Variants in ARPP21 observed in about 807,000 individuals in gnomAD.
The protein encoded by ARPP21 is cAMP regulated phosphoprotein 21, also known as cAMP-regulated phosphoprotein 21.
A neutral mutation model predicts 113.2 loss-of-function variants in ARPP21; 69 were observed. The ratio of observed to expected loss-of-function variants is 0.61; its 90% confidence interval spans 0.50 to 0.74. The LOEUF is 0.74. ARPP21 is among the 30% of genes least tolerant of loss of function. The pLI, the probability that ARPP21 is intolerant of heterozygous loss-of-function variation, is 0.00. For missense variants in ARPP21, 1,070 were observed against 1,037.4 expected, an observed-to-expected ratio of 1.03 and a Z score of -0.43; for synonymous variants, 368 against 375.5, an observed-to-expected ratio of 0.98 and a Z score of 0.23.
rs200486245 is a variant in ARPP21, at chr3:35,729,504, C to T, written c.1427C>T (p.Pro476Leu). The T allele has an allele frequency of 5.6e-5, 91 of 1,614,182 alleles. 2 individuals are homozygous for T. The highest frequency in any genetic ancestry group is 4.4e-4 in the South Asian group (40 of 91,078). ...CCACTTGAAGCTGCAACAGGCATCC[C>T]GCCTGGAAGCATCCTTCTTAATCCA... is the stretch of plus-strand genomic sequence containing the variant. ...LLPLEAATGIPPGSILLNPHT... is the reference protein window; with the variant it reads ...LLPLEAATGILPGSILLNPHT... Residue 476 changes from proline (P) to leucine (L), a missense_variant, in exon 15 of 21, where the codon CCG (proline) becomes CTG (leucine). Coordinates refer to ENST00000684406, the MANE Select transcript of ARPP21 (RefSeq NM_001385562.1).
rs1168810777 is a variant in ARPP21, at chr3:35,721,655, C to T, written c.1046C>T (p.Ser349Leu). 6.2e-7 allele frequency: 1 copy of T among 1,613,874 alleles called. No homozygotes were observed. ...GRTSGSRQSS[S>L]ENELKWSDHQ... The stretch of plus-strand genomic sequence containing the variant: ...ACATCTGGGAGTCGACAGAGCAGCT[C>T]AGAAAATGAACTCAAGTGGTCTGAC... Residue 349 changes from serine (S) to leucine (L), a missense_variant, in exon 14 of 21, where the codon TCA becomes TTA. Transcript: ENST00000684406.
chr3:35,695,468 TA>T (rs1301299994), intron 9 of ARPP21, among the ~76,000 whole-genome samples: 3 of 151,542 alleles, frequency 2.0e-5, no homozygotes, highest in African/African-American at 7.3e-5. Flanking sequence ...AGTGGGGGAA[TA>T]ACTTCAGAAT....
At chr3:35,771,979 A>T (rs910394692) in intron 19 of ARPP21, among the ~76,000 whole-genome samples, 5 of 152,222 alleles carry the variant, frequency 3.3e-5, no homozygotes, top group African/African-American at 1.2e-4. Context: ...AAGAAAATCT[A>T]ATTCACATCA....
chr3:35,757,583 G>A (rs893608801), intron 19 of ARPP21, among the ~76,000 whole-genome samples: 3 of 152,054 alleles, frequency 2.0e-5, no homozygotes, highest in Non-Finnish European at 2.9e-5. Flanking sequence ...CCAAGTGGTG[G>A]TTTTTGTTAT....
intron 19 of ARPP21, among the ~76,000 whole-genome samples, chr3:35,788,089 TA>T (rs2096668490): frequency 1.3e-5 from 2 of 152,134 alleles, no homozygotes; most frequent in South Asian, 4.1e-4. Context: ...TCAAAGAAGA[TA>T]AAGTACAGAA....
At chr3:35,756,726 G>GTTT (rs1351466325) in intron 19 of ARPP21, among the ~76,000 whole-genome samples, 1 of 152,106 alleles carries the variant, frequency 6.6e-6, no homozygotes, top group East Asian at 1.9e-4. Flanking sequence ...TGTTGTTGTT[G>GTTT]TAATAGGTCC....
intron 11 of ARPP21, among the ~76,000 whole-genome samples, chr3:35,712,742 A>G (rs2091552979): frequency 6.6e-6 from 1 of 152,192 alleles, no homozygotes; most frequent in South Asian, 2.1e-4. Flanking sequence ...GTAAGTCAAA[A>G]CAACAATTTA....
At chr3:35,772,286 T>C (rs1215423417) in intron 19 of ARPP21, among the ~76,000 whole-genome samples, 2 of 152,198 alleles carry the variant, frequency 1.3e-5, no homozygotes, top group Non-Finnish European at 2.9e-5. Context: ...AATTGTGTCA[T>C]AATAATATTT....
At position 35,717,763 on chromosome 3, in the gene ARPP21, A is replaced by G. The variant is rs551574359; in HGVS notation, c.995+406A>G. On this transcript the variant is annotated intron_variant, in intron 13 of 20. Coordinates refer to ENST00000684406, the MANE Select transcript of ARPP21 (RefSeq NM_001385562.1). ...CAACTAATTTTTAATTTTATCTGTT[A>G]TATTATTTCAAACAGTGTGTTTTCA... Among the ~76,000 whole-genome samples, 3 of 152,238 alleles carry G rather than the reference A, an allele frequency of 2.0e-5. No homozygotes were observed. The East Asian group carries it at 5.8e-4, about 29-fold the overall frequency.
chr3:35,662,092 G>C (rs1250118544), intron 1 of ARPP21, among the ~76,000 whole-genome samples: 1 of 152,088 alleles, frequency 6.6e-6, no homozygotes, highest in Non-Finnish European at 1.5e-5. Context: ...GGTCAAAATA[G>C]GATGAGATTT....
Position 35,650,773 on chromosome 3 carries a change from T to C in ARPP21, c.-213+10375T>C, listed in dbSNP as rs755052961. On this transcript the variant is annotated intron_variant, in intron 1 of 20. Transcript: ENST00000684406. The stretch of plus-strand genomic sequence containing the variant: ...ATGAAATTAGTATGAGCCAGTCATA[T>C]TCTCTTTTTCACTCCCATTAAATCA... Among the ~76,000 whole-genome samples, 18 of 152,234 alleles carry C rather than the reference T, an allele frequency of 1.2e-4. No homozygotes were observed. In the South Asian group the frequency reaches 3.3e-3, roughly 28 times the overall value.
intron 19 of ARPP21, among the ~76,000 whole-genome samples, chr3:35,746,261 T>G (rs137951321): frequency 2.6e-4 from 39 of 152,310 alleles, no homozygotes; most frequent in African/African-American, 8.9e-4. Context: ...TCACTTCTGC[T>G]AATAAAATCC....
At chr3:35,733,647 T>A (rs1408205583) in intron 15 of ARPP21, among the ~76,000 whole-genome samples, 2 of 152,226 alleles carry the variant, frequency 1.3e-5, no homozygotes, top group African/African-American at 4.8e-5. Flanking sequence ...GAGGCTGTCA[T>A]TGCCTGAATT....
intron 19 of ARPP21, among the ~76,000 whole-genome samples, chr3:35,790,504 T>A (rs987950098): frequency 6.6e-6 from 1 of 152,202 alleles, no homozygotes; most frequent in Non-Finnish European, 1.5e-5. Flanking sequence ...TCGGAAACAA[T>A]TTTCTGCAAT....
At chr3:35,718,788 G>T (rs967061764) in intron 13 of ARPP21, among the ~76,000 whole-genome samples, 1 of 150,808 alleles carries the variant, frequency 6.6e-6, no homozygotes, top group Non-Finnish European at 1.5e-5. Flanking sequence ...ATATGCCTTT[G>T]TAACTACCTT....
chr3:35,762,560 G>C (rs139565607), intron 19 of ARPP21, among the ~76,000 whole-genome samples: 1 of 151,968 alleles, frequency 6.6e-6, no homozygotes, highest in Non-Finnish European at 1.5e-5. Context: ...GAGGCTAAAG[G>C]GCTGGGAAAG....
chr3:35,642,434 A>G (rs756623606), intron 1 of ARPP21: 2 of 152,192 alleles, frequency 1.3e-5, no homozygotes, highest in Non-Finnish European at 2.9e-5. Flanking sequence ...TGGATATGGT[A>G]ATTTTAATTA....
At chr3:35,733,704 G>A (rs1274696240) in intron 15 of ARPP21, among the ~76,000 whole-genome samples, 1 of 152,118 alleles carries the variant, frequency 6.6e-6, no homozygotes, top group East Asian at 1.9e-4. Context: ...AATTGCTTTT[G>A]TTCTGTTCTC....
At chr3:35,688,948 C>T (rs755480235) in intron 6 of ARPP21, among the ~76,000 whole-genome samples, 4 of 150,342 alleles carry the variant, frequency 2.7e-5, no homozygotes, top group African/African-American at 4.9e-5. Context: ...CTCTTGAGAG[C>T]TCTCTCTGTA....
Sources: allele counts gnomAD v4.1 joint callset (sites outside exome capture counted in the v4.1 genomes callset), GRCh38; gene constraint gnomAD v4.1.1; transcripts MANE v1.5; gene names NCBI Gene and HGNC (gene_info 2026-07-23, HGNC 2026-07-21).